Variants in SOX6 observed in about 807,000 individuals in gnomAD.
SOX6 encodes the protein SRY-box transcription factor 6.
SOX6 carries 11 observed loss-of-function variants against 97.8 expected under a neutral mutation model. That is an observed-to-expected ratio of 0.11 (90% CI 0.07 to 0.19). The LOEUF (loss-of-function observed/expected upper bound fraction) is 0.19, where lower values mean the gene tolerates loss of function less well. Ranked by LOEUF, SOX6 falls within the 10% of genes least tolerant of loss-of-function variation. The probability of loss-of-function intolerance (pLI) is 1.00; values close to 1 mark genes in which losing one functional copy is unlikely to be tolerated. For missense variants in SOX6, 810 were observed against 1,039.5 expected, an observed-to-expected ratio of 0.78 and a Z score of 3.04; for synonymous variants, 360 against 371.4, an observed-to-expected ratio of 0.97 and a Z score of 0.35.
rs148600436 is a variant in SOX6 at position 16,205,601 on chromosome 11, A to C, written c.536-18646T>G. On this transcript the variant is annotated intron_variant, in intron 4 of 15. Transcript: ENST00000683767. Reference sequence around the variant, plus strand: ...AGAGTTATGAAGATTTAACAGCCAAAATGAGGCCAGATAAATCACGTAAGT... The same window carrying C: ...AGAGTTATGAAGATTTAACAGCCAACATGAGGCCAGATAAATCACGTAAGT... 3.9e-4 allele frequency among the ~76,000 whole-genome samples: 59 copies of C among 152,256 alleles called. 1 individual carries two copies. In the East Asian group the frequency reaches 0.011, roughly 27 times the overall value.
chr11:16,435,450 T>C (rs1457368621), intron 1 of SOX6, among the ~76,000 whole-genome samples: 1 of 152,132 alleles, frequency 6.6e-6, no homozygotes, highest in African/African-American at 2.4e-5. Context: ...TTTAAGAATA[T>C]GAACTCTGTA....
chr11:15,992,224 C>T (rs1169089686), intron 13 of SOX6, among the ~76,000 whole-genome samples: 3 of 152,154 alleles, frequency 2.0e-5, no homozygotes, highest in African/African-American at 7.2e-5. Flanking sequence ...TGAATGGGGA[C>T]ATCCTAAGCT....
intron 4 of SOX6, among the ~76,000 whole-genome samples, chr11:16,502,522 T>C (rs1401458534): frequency 1.3e-5 from 2 of 151,558 alleles, no homozygotes; most frequent in Non-Finnish European, 2.9e-5. Context: ...AAGAGATAAA[T>C]ATCATTAAAA....
intron 2 of SOX6, among the ~76,000 whole-genome samples, chr11:16,716,417 A>G (rs1848220145): frequency 6.6e-6 from 1 of 152,158 alleles, no homozygotes; most frequent in Non-Finnish European, 1.5e-5. Context: ...AAGGCTGGTC[A>G]GTATCCATGT....
At chr11:16,503,262 A>G (rs1860736362) in intron 4 of SOX6, among the ~76,000 whole-genome samples, 1 of 152,098 alleles carries the variant, frequency 6.6e-6, no homozygotes, top group Non-Finnish European at 1.5e-5. Flanking sequence ...CATGAAAAAA[A>G]AAAAACATGA....
intron 3 of SOX6, among the ~76,000 whole-genome samples, chr11:16,643,272 G>T (rs1848953422): frequency 6.6e-6 from 1 of 152,200 alleles, no homozygotes; most frequent in Non-Finnish European, 1.5e-5. Flanking sequence ...CCTTCCTCTG[G>T]AAGTTTTGTC....
intron 3 of SOX6, among the ~76,000 whole-genome samples, chr11:16,268,476 T>TATATG (rs548350179): frequency 1.4e-3 from 214 of 151,242 alleles, no homozygotes; most frequent in Non-Finnish European, 2.1e-3. Flanking sequence ...AATGGCAAAG[T>TATATG]ATATGATATG....
intron 4 of SOX6, among the ~76,000 whole-genome samples, chr11:16,554,383 C>T (rs533179914): frequency 7.2e-5 from 11 of 152,132 alleles, no homozygotes; most frequent in African/African-American, 2.6e-4. Context: ...GGTTTTTTCC[C>T]CTTTCTTTCT....
At chr11:16,084,121 C>G (rs1399383212) in intron 9 of SOX6, among the ~76,000 whole-genome samples, 1 of 152,108 alleles carries the variant, frequency 6.6e-6, no homozygotes, top group African/African-American at 2.4e-5. Flanking sequence ...AAACCAGGAA[C>G]AGTCATCAGG....
intron 3 of SOX6, among the ~76,000 whole-genome samples, chr11:16,261,924 TTTCTTA>T (rs1388603553): frequency 6.6e-6 from 1 of 152,090 alleles, no homozygotes; most frequent in Non-Finnish European, 1.5e-5. Context: ...TATGTTCCCT[TTTCTTA>T]TTATTTTGAG....
chr11:16,070,780 G>C (rs979158417), intron 9 of SOX6, among the ~76,000 whole-genome samples: 3 of 152,090 alleles, frequency 2.0e-5, no homozygotes, highest in Admixed American at 6.5e-5. Context: ...CCCCTGGCGG[G>C]GGGGCACACT....
At chr11:16,099,797 G>C (rs1227215445) in intron 7 of SOX6, among the ~76,000 whole-genome samples, 1 of 150,816 alleles carries the variant, frequency 6.6e-6, no homozygotes, top group Admixed American at 6.6e-5. Flanking sequence ...TCACCTGCTG[G>C]CTACAAACAG....
At chr11:16,250,932 C>T (rs1419939375) in intron 3 of SOX6, among the ~76,000 whole-genome samples, 5 of 151,982 alleles carry the variant, frequency 3.3e-5, no homozygotes, top group African/African-American at 1.2e-4. Context: ...TAAATCAAGT[C>T]TAAACAAATT....
At chr11:16,017,306 T>C (rs756888632) in intron 12 of SOX6, among the ~76,000 whole-genome samples, 17 of 152,060 alleles carry the variant, frequency 1.1e-4, no homozygotes, top group Non-Finnish European at 2.4e-4. Context: ...CCCTTTAAAA[T>C]ATCAATATTT....
intron 4 of SOX6, among the ~76,000 whole-genome samples, chr11:16,547,900 C>T (rs776365455): frequency 1.1e-4 from 16 of 151,796 alleles, no homozygotes; most frequent in African/African-American, 1.5e-4. Context: ...CCCATAAATA[C>T]GTACAAATAT....
intron 4 of SOX6, among the ~76,000 whole-genome samples, chr11:16,213,227 T>C (rs1852275864): frequency 6.6e-6 from 1 of 152,022 alleles, no homozygotes; most frequent in African/African-American, 2.4e-5. Context: ...GTTTAGTATA[T>C]CAGGGAAAAT....
At chr11:16,366,199 T>C (rs1461554673) in intron 1 of SOX6, among the ~76,000 whole-genome samples, 3 of 152,152 alleles carry the variant, frequency 2.0e-5, no homozygotes, top group Non-Finnish European at 4.4e-5. Flanking sequence ...CCTTTGGGAT[T>C]AGACTATTCT....
intron 2 of SOX6, among the ~76,000 whole-genome samples, chr11:16,718,557 A>T (rs912410871): frequency 2.6e-5 from 4 of 152,218 alleles, no homozygotes; most frequent in African/African-American, 7.2e-5. Context: ...AATTTTTTTA[A>T]ATCAGTATGT....
At position 16,111,838 on chromosome 11, in the gene SOX6, C is replaced by G. The variant is rs1219915442; in HGVS notation, c.863G>C (p.Gly288Ala). The change falls in exon 7 of 16, where the codon GGA becomes GCA. Residue 288 changes from glycine to alanine, a missense_variant. Coordinates refer to ENST00000683767, the MANE Select transcript of SOX6 (RefSeq NM_001367873.1). The stretch of plus-strand genomic sequence containing the variant: ...TGTTATTCCAGGGGGGAAGAGGAAT[C>G]CCTGTTGGGCAGCAGCAGCTGCTGC... ...TLAAAAAAQQGFLFPPGITYK... is the reference protein window; with the variant it reads ...TLAAAAAAQQAFLFPPGITYK... 6.2e-7 allele frequency: 1 copy of G among 1,612,902 alleles called. No homozygotes were observed. Among genetic ancestry groups the G allele is most frequent in the Non-Finnish European group, 8.5e-7 (1 of 1,179,972 alleles).
Sources: allele counts gnomAD v4.1 joint callset (sites outside exome capture counted in the v4.1 genomes callset), GRCh38; gene constraint gnomAD v4.1.1; transcripts MANE v1.5; gene names NCBI Gene and HGNC (gene_info 2026-07-23, HGNC 2026-07-21).